The following TADA2A variants were observed in gnomAD, a reference collection of about 807,000 sequenced individuals.
The protein encoded by TADA2A is transcriptional adaptor 2A.
Under a neutral mutation model 67.4 loss-of-function variants are expected in TADA2A, and 38 were observed. The observed-to-expected ratio is 0.56, with a 90% CI of 0.44 to 0.74. TADA2A has a LOEUF of 0.74. TADA2A is among the 30% of genes least tolerant of loss of function. TADA2A has a pLI of 0.00. For missense variants in TADA2A, 454 were observed against 547.0 expected (o/e 0.83, Z 1.70); for synonymous variants, 192 against 181.6 (o/e 1.06, Z -0.46).
chr17:37,432,925 ATTTTTTT>A (rs1046006991), intron 4 of TADA2A, among the ~76,000 whole-genome samples: 12 of 52,210 alleles, frequency 2.3e-4, no homozygotes, highest in African/African-American at 3.0e-4. Flanking sequence ...TGGTATTACA[ATTTTTTT>A]TTTTTTTTTT....
chr17:37,419,778 C>CAA (rs34588213), intron 2 of TADA2A, among the ~76,000 whole-genome samples: 38 of 123,638 alleles, frequency 3.1e-4, no homozygotes, highest in South Asian at 8.2e-4. Flanking sequence ...GACACTGTCT[C>CAA]AAAAAAAAAA....
chr17:37,470,502 G>A lies in TADA2A; in HGVS notation c.998G>A (p.Cys333Tyr). The change falls in exon 13 of 16, where the codon TGC becomes TAC. Residue 333 changes from cysteine (C) to tyrosine (Y), a missense_variant. This residue lies in a region of TADA2A where 403 missense variants were observed against 455.5 expected (regional missense o/e 0.88). Coordinates refer to ENST00000615182, the MANE Select transcript of TADA2A (RefSeq NM_001166105.3). ...VLQYIQDSSA[C>Y]QQWLRRQADI... The stretch of plus-strand genomic sequence containing the variant: ...CAGTATATCCAGGACAGTAGTGCTT[G>A]CCAGCAGTGGCTCCGCCGGCAAGCT... The A allele has an allele frequency of 6.3e-7, 1 of 1,583,868 alleles. No homozygotes were observed. Among genetic ancestry groups the A allele is most frequent in the Non-Finnish European group, 8.6e-7 (1 of 1,168,676 alleles).
intron 5 of TADA2A, 48 bp from the exon 6 acceptor site, chr17:37,440,457 A>G (rs760456109): frequency 7.5e-6 from 12 of 1,595,320 alleles, no homozygotes; most frequent in Admixed American, 3.4e-5. Flanking sequence ...TTTTAGTATT[A>G]TGTGTAAATA....
chr17:37,457,176 C>CTTTTT (rs34125875), intron 8 of TADA2A, among the ~76,000 whole-genome samples: 23 of 105,964 alleles, frequency 2.2e-4, no homozygotes, highest in South Asian at 3.1e-4. Flanking sequence ...AATCATTATT[C>CTTTTT]TTTTTTTTTT....
chr17:37,444,153 A>G (rs1175292810), intron 7 of TADA2A, among the ~76,000 whole-genome samples: 2 of 151,304 alleles, frequency 1.3e-5, no homozygotes, highest in African/African-American at 4.9e-5. Flanking sequence ...CAGCTGCTTG[A>G]GAGGCTGAGG....
chr17:37,462,717 TGTATA>T (rs2148026121), intron 10 of TADA2A, among the ~76,000 whole-genome samples: 1 of 152,332 alleles, frequency 6.6e-6, no homozygotes, highest in South Asian at 2.1e-4. Flanking sequence ...TTTAAAAATT[TGTATA>T]GTAATTACAG....
At chr17:37,414,591 T>C (rs958022736) in intron 2 of TADA2A, among the ~76,000 whole-genome samples, 5 of 152,226 alleles carry the variant, frequency 3.3e-5, no homozygotes, top group African/African-American at 1.2e-4. Context: ...TATACATATA[T>C]GCCAGTATAC....
rs114265032 is a variant in TADA2A, at chr17:37,439,139, A to G, written c.284+1310A>G. Among the ~76,000 whole-genome samples the G allele has an allele frequency of 6.9e-3, 1,055 of 152,142 alleles. 4 individuals carry two copies. Among genetic ancestry groups the G allele is most frequent in the African/African-American group, 0.024 (986 of 41,504 alleles). ...TTTTTTATTGAGACAGTCTCACTTTATCACCCAGGCTGAAATGCAGTGGTG... is the reference window on the plus strand; with the variant it reads ...TTTTTTATTGAGACAGTCTCACTTTGTCACCCAGGCTGAAATGCAGTGGTG... On this transcript the variant is annotated intron_variant, in intron 5 of 15. Coordinates refer to ENST00000615182, the MANE Select transcript of TADA2A (RefSeq NM_001166105.3).
chr17:37,477,080 T>G lies in TADA2A; in HGVS notation c.*98T>G. 2 of 1,249,800 alleles carry G rather than the reference T, an allele frequency of 1.6e-6. No individual in the cohort carries two copies. Among genetic ancestry groups the G allele is most frequent in the Non-Finnish European group, 2.2e-6 (2 of 903,284 alleles). The allele number at this position is 1,249,800 out of a possible 1,614,324, so 77.4% of individuals were successfully genotyped here. On this transcript the variant is annotated 3_prime_UTR_variant, in exon 16 of 16. Transcript: ENST00000615182. ...TCTGGAGAGTTGTTTTTCAGCTGAA[T>G]TCTCATGGTGAAAACAGGGGAAAGG...
intron 1 of TADA2A, among the ~76,000 whole-genome samples, chr17:37,409,065 G>A (rs1201560421): frequency 1.3e-5 from 2 of 152,104 alleles, no homozygotes; most frequent in African/African-American, 2.4e-5. Flanking sequence ...ATAGGTATCC[G>A]ATATAGTCTC....
intron 1 of TADA2A, among the ~76,000 whole-genome samples, chr17:37,408,930 G>T (rs1039219049): frequency 1.3e-5 from 2 of 151,842 alleles, no homozygotes; most frequent in African/African-American, 4.8e-5. Context: ...AAATTACCAG[G>T]GTGAAAAAAA....
chr17:37,440,877 T>C (rs1227312948), intron 6 of TADA2A, among the ~76,000 whole-genome samples: 2 of 152,114 alleles, frequency 1.3e-5, no homozygotes, highest in African/African-American at 4.8e-5. Context: ...GGTAAATCAC[T>C]TGAGGCCAGG....
intron 11 of TADA2A, 123 bp downstream of exon 11, chr17:37,465,664 C>A: frequency 8.6e-6 from 13 of 1,507,756 alleles, no homozygotes; most frequent in Non-Finnish European, 1.2e-5. Context: ...TCTTTGTTCC[C>A]CTTTATTACC....
chr17:37,448,895 T>A (rs1375295504), intron 8 of TADA2A, among the ~76,000 whole-genome samples: 1 of 152,256 alleles, frequency 6.6e-6, no homozygotes, highest in Non-Finnish European at 1.5e-5. Context: ...ATTTTTCAAA[T>A]TGTATTTCTT....
At chr17:37,471,021 C>CA in intron 13 of TADA2A, 73 bp from the exon 14 acceptor site, 1 of 1,488,652 alleles carries the variant, frequency 6.7e-7, no homozygotes, top group Non-Finnish European at 9.4e-7. Flanking sequence ...AAATGGCACC[C>CA]AGTCTCACCG....
chr17:37,439,926 A>ATTTTTTTT (rs1278159194), intron 5 of TADA2A, among the ~76,000 whole-genome samples: 1 of 100,184 alleles, frequency 1.0e-5, no homozygotes, highest in Non-Finnish European at 1.9e-5. Flanking sequence ...TTATTTATTT[A>ATTTTTTTT]TTTATTTATT....
At chr17:37,428,171 T>C (rs940885392) in intron 4 of TADA2A, among the ~76,000 whole-genome samples, 2 of 152,148 alleles carry the variant, frequency 1.3e-5, no homozygotes, top group Non-Finnish European at 2.9e-5. Context: ...TGCAACAAAT[T>C]ACCAAAAATT....
intron 6 of TADA2A, 42 bp downstream of exon 6, chr17:37,440,704 C>T (rs1359669426): frequency 1.2e-6 from 2 of 1,608,608 alleles, no homozygotes; most frequent in Admixed American, 1.7e-5. Context: ...TTAGCTCATC[C>T]TTGGGCCCTG....
At chr17:37,432,294 A>G (rs1324794836) in intron 4 of TADA2A, among the ~76,000 whole-genome samples, 1 of 151,988 alleles carries the variant, frequency 6.6e-6, no homozygotes, top group Non-Finnish European at 1.5e-5. Flanking sequence ...CCTCCCAGGT[A>G]GCTGGGATTA....
Sources: allele counts gnomAD v4.1 joint callset (sites outside exome capture counted in the v4.1 genomes callset), GRCh38; gene constraint gnomAD v4.1.1; regional missense constraint gnomAD v4.1.1; transcripts MANE v1.5; gene names NCBI Gene and HGNC (gene_info 2026-07-23, HGNC 2026-07-21).